HTR1F: variants seen among roughly 807,000 people sequenced by gnomAD.
The protein encoded by HTR1F is 5-hydroxytryptamine (serotonin) receptor 1F, G protein-coupled.
Under a neutral mutation model 24.0 loss-of-function variants are expected in HTR1F, and 17 were observed. That is an observed-to-expected ratio of 0.71 (90% confidence interval 0.48 to 1.06). The LOEUF is 1.06. HTR1F is among the 50% of genes least tolerant of loss of function. HTR1F has a pLI of 0.00. For synonymous variants in HTR1F, 186 were observed against 156.8 expected, an observed-to-expected ratio of 1.19 and a Z score of -1.39; for missense variants, 391 against 427.8, an observed-to-expected ratio of 0.91 and a Z score of 0.76.
At chr3:87,931,820 G>C (rs1211116983) in intron 2 of HTR1F, among the ~76,000 whole-genome samples, 24 of 148,976 alleles carry the variant, frequency 1.6e-4, no homozygotes, top group Admixed American at 1.3e-3. Flanking sequence ...ATTTCTTCAT[G>C]TGTCTTTTGG....
intron 2 of HTR1F, among the ~76,000 whole-genome samples, chr3:87,836,024 A>G (rs952053498): frequency 2.6e-5 from 4 of 152,190 alleles, no homozygotes; most frequent in African/African-American, 9.7e-5. Flanking sequence ...TAAACCTATA[A>G]TAATTCTAGA....
At chr3:87,809,354 T>C (rs1559590538) in intron 1 of HTR1F, among the ~76,000 whole-genome samples, 1 of 151,968 alleles carries the variant, frequency 6.6e-6, no homozygotes, top group Non-Finnish European at 1.5e-5. Context: ...TTAAGCCTCC[T>C]TCTTCAACTC....
chr3:87,827,352 C>T (rs1489036598), intron 2 of HTR1F, among the ~76,000 whole-genome samples: 1 of 151,966 alleles, frequency 6.6e-6, no homozygotes, highest in Non-Finnish European at 1.5e-5. Flanking sequence ...TTTCATTGCC[C>T]TTATCAACTT....
At chr3:87,794,452 G>A (rs1020393069) in intron 1 of HTR1F, among the ~76,000 whole-genome samples, 2 of 152,266 alleles carry the variant, frequency 1.3e-5, no homozygotes, top group African/African-American at 4.8e-5. Flanking sequence ...TTCAATAAAG[G>A]AACAAACTCA....
chr3:87,831,807 G>A lies in HTR1F; in HGVS notation c.-43+9683G>A, dbSNP rs575943287. Among the ~76,000 whole-genome samples, 26 of 152,266 alleles carry A rather than the reference G, an allele frequency of 1.7e-4. No individual in the cohort carries two copies. The East Asian group carries it at 5.0e-3, about 29-fold the overall frequency. On this transcript the variant is annotated intron_variant, in intron 2 of 2. Coordinates refer to ENST00000319595, the MANE Select transcript of HTR1F (RefSeq NM_001322209.2). ...GCCCTTTGATTCAGCCTTGCCGTCT[G>A]ATTGGTTTACTCATTAATCAAGAAA...
At chr3:87,906,001 G>C (rs1428978051) in intron 2 of HTR1F, among the ~76,000 whole-genome samples, 1 of 152,020 alleles carries the variant, frequency 6.6e-6, no homozygotes, top group East Asian at 1.9e-4. Flanking sequence ...TCAATTTCTT[G>C]ACCTGGATGA....
chr3:87,929,555 A>G (rs9829833), intron 2 of HTR1F, among the ~76,000 whole-genome samples: 66,472 of 151,962 alleles, frequency 0.44, 15,532 homozygotes, highest in African/African-American at 0.61. Context: ...ATTGAATAAG[A>G]GGTTGTGTCC....
intron 2 of HTR1F, among the ~76,000 whole-genome samples, chr3:87,861,475 T>C (rs1705317075): frequency 6.6e-6 from 1 of 152,172 alleles, no homozygotes; most frequent in Non-Finnish European, 1.5e-5. Flanking sequence ...CCACATTCAT[T>C]TTATGCTTTT....
intron 2 of HTR1F, among the ~76,000 whole-genome samples, chr3:87,853,079 A>C (rs1705123759): frequency 6.6e-6 from 1 of 150,920 alleles, no homozygotes. Context: ...TCAGATTTTC[A>C]CTCTATAGAC....
intron 2 of HTR1F, among the ~76,000 whole-genome samples, chr3:87,930,281 C>A (rs970849898): frequency 6.6e-6 from 1 of 152,140 alleles, no homozygotes; most frequent in Non-Finnish European, 1.5e-5. Flanking sequence ...CTGTTTCTTT[C>A]TTTTGCCTGA....
chr3:87,799,882 A>G (rs1348308638), intron 1 of HTR1F, among the ~76,000 whole-genome samples: 9 of 152,134 alleles, frequency 5.9e-5, no homozygotes, highest in African/African-American at 2.2e-4. Context: ...AATTAAACTC[A>G]TCTTTCTCCC....
At chr3:87,882,317 G>A (rs1705822521) in intron 2 of HTR1F, among the ~76,000 whole-genome samples, 1 of 152,148 alleles carries the variant, frequency 6.6e-6, no homozygotes, top group Non-Finnish European at 1.5e-5. Context: ...CAGGGATCTA[G>A]AACAAGAAAT....
intron 2 of HTR1F, among the ~76,000 whole-genome samples, chr3:87,863,778 T>A (rs891265616): frequency 6.6e-5 from 10 of 152,220 alleles, no homozygotes; most frequent in South Asian, 2.1e-4. Flanking sequence ...AAATCTGTAT[T>A]CTTTTCTATG....
At chr3:87,959,362 T>A (rs1705012614) in intron 2 of HTR1F, among the ~76,000 whole-genome samples, 1 of 151,928 alleles carries the variant, frequency 6.6e-6, no homozygotes, top group Non-Finnish European at 1.5e-5. Flanking sequence ...TCTCCCTTGC[T>A]TCCTACATGT....
chr3:87,948,685 T>C (rs1181359414), intron 2 of HTR1F, among the ~76,000 whole-genome samples: 1 of 152,166 alleles, frequency 6.6e-6, no homozygotes, highest in African/African-American at 2.4e-5. Context: ...TCTGTCATGT[T>C]GCCCAGGCTG....
intron 2 of HTR1F, among the ~76,000 whole-genome samples, chr3:87,883,049 G>A (rs1705844875): frequency 6.6e-6 from 1 of 151,998 alleles, no homozygotes; most frequent in African/African-American, 2.4e-5. Context: ...CATCCCAGTA[G>A]GGGCGGACAC....
chr3:87,922,349 G>A (rs1704028866), intron 2 of HTR1F, among the ~76,000 whole-genome samples: 1 of 151,046 alleles, frequency 6.6e-6, no homozygotes, highest in Non-Finnish European at 1.5e-5. Flanking sequence ...TTATATCAGT[G>A]CCCATTTTGA....
At chr3:87,796,852 A>C (rs1333866570) in intron 1 of HTR1F, among the ~76,000 whole-genome samples, 3 of 152,238 alleles carry the variant, frequency 2.0e-5, no homozygotes, top group Non-Finnish European at 2.9e-5. Context: ...AATTTATCTT[A>C]TAGATATGCT....
chr3:87,881,098 C>T (rs1017190611), intron 2 of HTR1F, among the ~76,000 whole-genome samples: 9 of 152,204 alleles, frequency 5.9e-5, no homozygotes, highest in African/African-American at 1.2e-4. Context: ...GTGCAGCCCA[C>T]GGAGGGTGAG....
Sources: gnomAD v4.1 joint callset for allele counts (sites outside exome capture counted in the v4.1 genomes callset) on GRCh38, gnomAD v4.1.1 for gene constraint, MANE v1.5 for transcripts, NCBI Gene and HGNC (gene_info 2026-07-23, HGNC 2026-07-21) for gene names.